Variants in CTNND2 observed in about 807,000 individuals in gnomAD.
CTNND2 encodes catenin delta 2, also known as catenin delta-2.
Under a neutral mutation model 144.4 loss-of-function variants are expected in CTNND2, and 22 were observed. That is an observed-to-expected ratio of 0.15 (90% CI 0.11 to 0.22). The LOEUF (loss-of-function observed/expected upper bound fraction) is 0.22. CTNND2 is among the 10% of genes least tolerant of loss of function. CTNND2 has a pLI of 1.00. For synonymous variants in CTNND2, 751 were observed against 695.6 expected (o/e 1.08, Z -1.25); for missense variants, 1,353 against 1,618.8 (o/e 0.84, Z 2.82).
intron 3 of CTNND2, among the ~76,000 whole-genome samples, chr5:11,564,258 C>T (rs56682438): frequency 2.6e-5 from 4 of 152,140 alleles, no homozygotes; most frequent in Non-Finnish European, 4.4e-5. Context: ...CTAACAAGAG[C>T]GTTTTTGAGA....
At chr5:11,547,987 A>G (rs1775393918) in intron 3 of CTNND2, among the ~76,000 whole-genome samples, 1 of 152,216 alleles carries the variant, frequency 6.6e-6, no homozygotes, top group South Asian at 2.1e-4. Context: ...AGACTCTGCA[A>G]ATGTTCTCAG....
At chr5:11,221,632 C>G (rs924288174) in intron 10 of CTNND2, among the ~76,000 whole-genome samples, 4 of 152,200 alleles carry the variant, frequency 2.6e-5, no homozygotes, top group African/African-American at 9.6e-5. Flanking sequence ...GATACGAAGC[C>G]TTCTTGTATT....
chr5:11,816,392 G>A (rs183521061), intron 1 of CTNND2, among the ~76,000 whole-genome samples: 65 of 151,990 alleles, frequency 4.3e-4, no homozygotes, highest in Admixed American at 1.1e-3. Flanking sequence ...TCTGTGTGCA[G>A]CAACAGTTTG....
chr5:11,048,587 G>GT (rs1412414709), intron 16 of CTNND2, among the ~76,000 whole-genome samples: 2 of 152,176 alleles, frequency 1.3e-5, no homozygotes, highest in African/African-American at 4.8e-5. Flanking sequence ...GTTGAGCCAT[G>GT]TAACATCCCT....
chr5:11,432,636 G>C (rs1763403526), intron 3 of CTNND2, among the ~76,000 whole-genome samples: 1 of 152,054 alleles, frequency 6.6e-6, no homozygotes, highest in African/African-American at 2.4e-5. Flanking sequence ...TGATATTTGA[G>C]AATCTTTCAG....
rs1746908694 is a variant in CTNND2, at chr5:11,279,579, C to T, written c.1629-42756G>A. The stretch of plus-strand genomic sequence containing the variant: ...AGCTAAGGAAATTCATGTTACCCCT[C>T]TTAAGAGGTTGAATCCCTCTGGTGC... On this transcript the variant is annotated intron_variant, in intron 9 of 21. Transcript: ENST00000304623. 5.3e-5 allele frequency among the ~76,000 whole-genome samples: 8 copies of T among 152,276 alleles called. No homozygotes were observed. In the South Asian group the frequency reaches 1.0e-3, roughly 20 times the overall value.
At chr5:11,785,085 A>G (rs1446063590) in intron 1 of CTNND2, among the ~76,000 whole-genome samples, 1 of 152,230 alleles carries the variant, frequency 6.6e-6, no homozygotes, top group East Asian at 1.9e-4. Flanking sequence ...ATGTAAAAAT[A>G]AAAAAATTTC....
intron 16 of CTNND2, among the ~76,000 whole-genome samples, chr5:11,025,361 GC>G (rs140622306): frequency 0.12 from 18,610 of 152,116 alleles, 1,860 homozygotes; most frequent in East Asian, 0.43. Context: ...AATTTGGGTA[GC>G]AAAAAAAGAT....
chr5:11,190,304 C>T lies in CTNND2; in HGVS notation c.1975+9144G>A, dbSNP rs188960585. ...GGAACTTGTCCAAGGCACTAGTAAGCGTGCAGGGCTTGGCCCAGCTCTGAG... is the reference window on the plus strand; with the variant it reads ...GGAACTTGTCCAAGGCACTAGTAAGTGTGCAGGGCTTGGCCCAGCTCTGAG... On this transcript the variant is annotated intron_variant, in intron 11 of 21. Transcript: ENST00000304623. Among the ~76,000 whole-genome samples the T allele has an allele frequency of 6.6e-5, 10 of 152,328 alleles. No individual in the cohort carries two copies. In the East Asian group the frequency reaches 9.7e-4, roughly 15 times the overall value.
At chr5:11,673,787 A>G (rs1784026904) in intron 2 of CTNND2, among the ~76,000 whole-genome samples, 1 of 152,232 alleles carries the variant, frequency 6.6e-6, no homozygotes, top group Admixed American at 6.5e-5. Flanking sequence ...AAATAAATAT[A>G]AAACTGATAA....
chr5:11,270,004 T>G (rs1344577975), intron 9 of CTNND2, among the ~76,000 whole-genome samples: 1 of 152,192 alleles, frequency 6.6e-6, no homozygotes, highest in Admixed American at 6.5e-5. Flanking sequence ...TAAAACAACA[T>G]TCACAAACAT....
intron 10 of CTNND2, among the ~76,000 whole-genome samples, chr5:11,206,381 G>T (rs1040041111): frequency 6.6e-6 from 1 of 152,090 alleles, no homozygotes; most frequent in African/African-American, 2.4e-5. Context: ...GCTGAACACC[G>T]TAAATGAGTT....
chr5:11,445,224 A>G (rs568195223), intron 3 of CTNND2, among the ~76,000 whole-genome samples: 3 of 152,022 alleles, frequency 2.0e-5, no homozygotes, highest in Admixed American at 1.3e-4. Flanking sequence ...CATCACTTCA[A>G]TTTCTACCTC....
At chr5:11,226,369 A>G (rs1740359278) in intron 10 of CTNND2, among the ~76,000 whole-genome samples, 1 of 152,048 alleles carries the variant, frequency 6.6e-6, no homozygotes, top group Admixed American at 6.6e-5. Context: ...ACTGTGTTGT[A>G]TTTCCTCCAT....
chr5:11,289,086 C>T (rs746112943), intron 9 of CTNND2, among the ~76,000 whole-genome samples: 2 of 152,126 alleles, frequency 1.3e-5, no homozygotes, highest in Non-Finnish European at 2.9e-5. Flanking sequence ...AGCCTGCCAT[C>T]CCCCCCGCCT....
intron 10 of CTNND2, among the ~76,000 whole-genome samples, chr5:11,231,105 A>G (rs1336014962): frequency 6.6e-6 from 1 of 152,180 alleles, no homozygotes; most frequent in Non-Finnish European, 1.5e-5. Flanking sequence ...AGATCTGAGC[A>G]TCTGACATTT....
chr5:11,237,663 T>G (rs1741794867), intron 9 of CTNND2, among the ~76,000 whole-genome samples: 1 of 152,104 alleles, frequency 6.6e-6, no homozygotes, highest in South Asian at 2.1e-4. Flanking sequence ...ACCACGTCCG[T>G]CTTAAATGGA....
intron 2 of CTNND2, among the ~76,000 whole-genome samples, chr5:11,600,592 G>C (rs1423264385): frequency 6.6e-6 from 1 of 151,192 alleles, no homozygotes; most frequent in East Asian, 2.0e-4. Flanking sequence ...TGTAATCCCA[G>C]CTACTTGGGA....
At chr5:11,578,523 C>T (rs895715149) in intron 2 of CTNND2, among the ~76,000 whole-genome samples, 3 of 151,846 alleles carry the variant, frequency 2.0e-5, no homozygotes, top group African/African-American at 7.3e-5. Flanking sequence ...TAGCCAGGCA[C>T]GGTGGCACGC....
Sources: gnomAD v4.1 joint callset for allele counts (sites outside exome capture counted in the v4.1 genomes callset) on GRCh38, gnomAD v4.1.1 for gene constraint, MANE v1.5 for transcripts, NCBI Gene and HGNC (gene_info 2026-07-23, HGNC 2026-07-21) for gene names.